The following ITGA11 variants were observed in gnomAD, a reference collection of about 807,000 sequenced individuals.
The protein encoded by ITGA11 is integrin subunit alpha 11.
ITGA11 carries 97 observed loss-of-function variants against 141.9 expected under a neutral mutation model. The ratio of observed to expected loss-of-function variants is 0.68; its 90% CI spans 0.58 to 0.81. The LOEUF is 0.81. ITGA11 is among the 30% of genes least tolerant of loss of function. ITGA11 has a pLI of 0.00. For missense variants in ITGA11, 1,387 were observed against 1,559.2 expected (o/e 0.89, Z 1.86); for synonymous variants, 658 against 624.6 (o/e 1.05, Z -0.80).
intron 14 of ITGA11, 29 bp from the exon 15 acceptor site, chr15:68,331,140 G>T: frequency 6.5e-7 from 1 of 1,548,282 alleles, no homozygotes; most frequent in African/African-American, 1.4e-5. Flanking sequence ...GAGGGGGAGG[G>T]CATGCACACT....
Position 68,351,341 on chromosome 15 carries a change from C to G in ITGA11, c.811G>C (p.Asp271His). The G allele has an allele frequency of 6.2e-7, 1 of 1,614,004 alleles. No individual in the cohort carries two copies. Among genetic ancestry groups the G allele is most frequent in the Non-Finnish European group, 8.5e-7 (1 of 1,179,848 alleles). ...TCTGGGCTGTCGTGGGACTCCCCAT[C>G]TGTGATGACAATCATCACCTTCTTG... Reference protein sequence around the residue: ...GAKKVMIVITDGESHDSPDLE... With the variant: ...GAKKVMIVITHGESHDSPDLE... The change falls in exon 8 of 30, where the codon GAT becomes CAT. Residue 271 changes from aspartate to histidine, a missense_variant. Transcript: ENST00000315757.
In ITGA11 at chr15:68,305,260, A is replaced by G. The variant is rs1335822707; in HGVS notation, c.3382-1375T>C. On this transcript the variant is annotated intron_variant, in intron 28 of 29. Transcript: ENST00000315757. The surrounding 1 kb of genome is among the most constrained non-coding windows in gnomAD (Gnocchi z 4.6). ...GCCACGAGACACTCCTGTCTTCCTCATGGTCTCTGTCTGATGTCACTTTAT... is the reference window on the plus strand; with the variant it reads ...GCCACGAGACACTCCTGTCTTCCTCGTGGTCTCTGTCTGATGTCACTTTAT... 6.6e-6 allele frequency among the ~76,000 whole-genome samples: 1 copy of G among 152,084 alleles called. No homozygotes were observed. The highest frequency in any genetic ancestry group is 1.9e-4 in the East Asian group (1 of 5,184).
intron 1 of ITGA11, among the ~76,000 whole-genome samples, chr15:68,426,408 A>G (rs892906838): frequency 6.6e-6 from 1 of 152,178 alleles, no homozygotes; most frequent in Non-Finnish European, 1.5e-5. Flanking sequence ...TCAGTGTTCC[A>G]GAGCACTGGG....
At chr15:68,336,117 G>C in intron 11 of ITGA11, 2 of 519,180 alleles carry the variant, frequency 3.9e-6, no homozygotes, top group Non-Finnish European at 6.9e-6. Context: ...AGGTGGGACT[G>C]CTAAAAGACT....
intron 7 of ITGA11, 71 bp downstream of exon 7, chr15:68,357,080 T>C: frequency 7.1e-7 from 1 of 1,409,570 alleles, no homozygotes; most frequent in Non-Finnish European, 9.7e-7. Context: ...GGTAGTGTGT[T>C]ACAAGGCAAT....
rs971059058 is a variant in ITGA11 at position 68,308,479 on chromosome 15, C to T, written c.3175-783G>A. 1.3e-5 allele frequency among the ~76,000 whole-genome samples: 2 copies of T among 152,166 alleles called. No individual in the cohort carries two copies. Among genetic ancestry groups the T allele is most frequent in the Non-Finnish European group, 2.9e-5 (2 of 68,046 alleles). On this transcript the variant is annotated intron_variant, in intron 26 of 29. Coordinates refer to ENST00000315757, the MANE Select transcript of ITGA11 (RefSeq NM_001004439.2). The surrounding 1 kb of genome is among the most constrained non-coding windows in gnomAD (Gnocchi z 5.2). ...CTAGAGGGCTGGGCATGGTGGCTCACGCCTGTAATCTCAGCACTTTGGGAG... is the reference window on the plus strand; with the variant it reads ...CTAGAGGGCTGGGCATGGTGGCTCATGCCTGTAATCTCAGCACTTTGGGAG...
chr15:68,372,258 C>A (rs1207891681), intron 2 of ITGA11, among the ~76,000 whole-genome samples: 4 of 152,212 alleles, frequency 2.6e-5, no homozygotes, highest in African/African-American at 9.6e-5. Flanking sequence ...AGGATAACTG[C>A]CGAAGCGCAG....
rs1038421091 is a variant in ITGA11 at position 68,324,560 on chromosome 15, C to G, written c.2322+571G>C. Among the ~76,000 whole-genome samples, 1 of 152,142 alleles carries G rather than the reference C, an allele frequency of 6.6e-6. No homozygotes were observed. Among genetic ancestry groups the G allele is most frequent in the Non-Finnish European group, 1.5e-5 (1 of 68,036 alleles). ...TACATGGAGTTGCGGCTGCAGGGAG[C>G]ATTTGAATGTTAGATGTCAAACATT... On this transcript the variant is annotated intron_variant, in intron 18 of 29. Transcript: ENST00000315757. This position sits in a 1 kb window ranked among gnomAD's most constrained non-coding sequence, Gnocchi z 6.3.
intron 20 of ITGA11, among the ~76,000 whole-genome samples, chr15:68,318,666 C>T (rs1019798629): frequency 6.6e-6 from 1 of 152,096 alleles, no homozygotes; most frequent in African/African-American, 2.4e-5. Flanking sequence ...CCTGGGGTGG[C>T]CTCCCTCCAC....
At chr15:68,401,971 TGAA>T (rs1302330505) in intron 2 of ITGA11, among the ~76,000 whole-genome samples, 2 of 145,748 alleles carry the variant, frequency 1.4e-5, no homozygotes, top group African/African-American at 2.6e-5. Context: ...AGAGCATGTT[TGAA>T]GAAGATCTGG....
At chr15:68,409,554 T>C (rs1896724179) in intron 1 of ITGA11, among the ~76,000 whole-genome samples, 1 of 151,624 alleles carries the variant, frequency 6.6e-6, no homozygotes, top group Non-Finnish European at 1.5e-5. Flanking sequence ...GTAGTACTGA[T>C]ACTCTACCTA....
chr15:68,346,892 C>T (rs1894760695), intron 10 of ITGA11, among the ~76,000 whole-genome samples: 1 of 152,198 alleles, frequency 6.6e-6, no homozygotes, highest in Non-Finnish European at 1.5e-5. Flanking sequence ...AGCAGGGGGT[C>T]TTCACAGGGG....
At chr15:68,310,682 G>T (rs932076049) in intron 26 of ITGA11, among the ~76,000 whole-genome samples, 14 of 152,102 alleles carry the variant, frequency 9.2e-5, no homozygotes, top group African/African-American at 3.4e-4. Flanking sequence ...CTACTGGCCC[G>T]CTTGGCCCAG....
chr15:68,423,592 A>G (rs188214971), intron 1 of ITGA11, among the ~76,000 whole-genome samples: 1 of 152,330 alleles, frequency 6.6e-6, no homozygotes, highest in East Asian at 1.9e-4. Context: ...GCTCTGTCAA[A>G]GAGTCTGGAC....
chr15:68,360,764 T>G (rs1895217146), intron 5 of ITGA11, among the ~76,000 whole-genome samples: 1 of 152,170 alleles, frequency 6.6e-6, no homozygotes, highest in African/African-American at 2.4e-5. Flanking sequence ...TGTCATTTTG[T>G]GTGAATAGAA....
intron 11 of ITGA11, among the ~76,000 whole-genome samples, chr15:68,337,768 G>C (rs1349978345): frequency 6.6e-6 from 1 of 152,114 alleles, no homozygotes; most frequent in East Asian, 1.9e-4. Flanking sequence ...TCTGGCATTC[G>C]AGGCCTCCTG....
intron 5 of ITGA11, among the ~76,000 whole-genome samples, chr15:68,359,629 G>C (rs769471748): frequency 2.2e-4 from 34 of 151,992 alleles, no homozygotes; most frequent in Non-Finnish European, 4.3e-4. Context: ...CTGGGTGACA[G>C]AGTGAGACTC....
At chr15:68,412,387 C>T (rs556973734) in intron 1 of ITGA11, among the ~76,000 whole-genome samples, 1 of 152,170 alleles carries the variant, frequency 6.6e-6, no homozygotes, top group African/African-American at 2.4e-5. Flanking sequence ...TCATGGCCTC[C>T]TCCTGCCTCA....
chr15:68,398,591 AAATAT>A (rs1200040968), intron 2 of ITGA11, among the ~76,000 whole-genome samples: 3 of 122,504 alleles, frequency 2.4e-5, no homozygotes, highest in Non-Finnish European at 5.3e-5. Context: ...GATTTATATT[AAATAT>A]AATATAAATA....
Sources: gnomAD v4.1 joint callset for allele counts (sites outside exome capture counted in the v4.1 genomes callset) on GRCh38, gnomAD v4.1.1 for gene constraint, Gnocchi (gnomAD v3.1) non-coding constraint, MANE v1.5 for transcripts, NCBI Gene and HGNC (gene_info 2026-07-23, HGNC 2026-07-21) for gene names.